The following TSHZ3 variants were observed in gnomAD, a reference collection of about 807,000 sequenced individuals.
The protein encoded by TSHZ3 is teashirt homolog 3.
In TSHZ3, 10 loss-of-function variants were observed where a neutral mutation model predicts 64.5. The observed-to-expected ratio is 0.16, with a 90% CI of 0.10 to 0.26. The LOEUF is 0.26. Among genes scored for constraint, TSHZ3 ranks in the 10% least tolerant of loss-of-function variants. TSHZ3 has a pLI of 1.00. For synonymous variants in TSHZ3, 608 were observed against 593.1 expected, an observed-to-expected ratio of 1.03 and a Z score of -0.36; for missense variants, 1,242 against 1,421.7, an observed-to-expected ratio of 0.87 and a Z score of 2.03.
At chr19:31,337,405 C>T (rs1917281518) in intron 1 of TSHZ3, among the ~76,000 whole-genome samples, 1 of 152,178 alleles carries the variant, frequency 6.6e-6, no homozygotes, top group Non-Finnish European at 1.5e-5. Context: ...TTTTTCTAAT[C>T]AGTAAAAATG....
intron 4 of TSHZ3, among the ~76,000 whole-genome samples, chr19:31,226,201 C>G (rs958243419): frequency 2.0e-5 from 3 of 151,834 alleles, no homozygotes; most frequent in African/African-American, 7.3e-5. Context: ...TCAACCCACT[C>G]TTTCGACTCC....
chr19:31,271,251 G>A (rs781693884), downstream of TSHZ3, among the ~76,000 whole-genome samples: 2 of 152,148 alleles, frequency 1.3e-5, no homozygotes, highest in Non-Finnish European at 2.9e-5. Flanking sequence ...CCAGTTCCAG[G>A]GTTCGCTGGC....
At chr19:31,321,047 A>G (rs1916756352) in intron 1 of TSHZ3, among the ~76,000 whole-genome samples, 1 of 152,254 alleles carries the variant, frequency 6.6e-6, no homozygotes, top group Non-Finnish European at 1.5e-5. Context: ...GCAACTGTCA[A>G]TACATTGTCT....
At chr19:31,254,505 C>T (rs1413661722) in intron 1 of TSHZ3, among the ~76,000 whole-genome samples, 1 of 152,208 alleles carries the variant, frequency 6.6e-6, no homozygotes, top group African/African-American at 2.4e-5. Flanking sequence ...CTGTGGCTCG[C>T]CCTCTCTGAG....
chr19:31,312,123 G>C (rs1033103013), intron 1 of TSHZ3, among the ~76,000 whole-genome samples: 2 of 152,160 alleles, frequency 1.3e-5, no homozygotes, highest in Non-Finnish European at 2.9e-5. Context: ...TGTTTCCCAG[G>C]GTTGCTAGGA....
intron 3 of TSHZ3, among the ~76,000 whole-genome samples, chr19:31,236,545 T>C (rs576513616): frequency 3.3e-4 from 50 of 152,360 alleles, no homozygotes; most frequent in African/African-American, 1.0e-3. Context: ...TAATCTTTTA[T>C]CAGATATACA....
At chr19:31,332,795 A>T (rs1917130118) in intron 1 of TSHZ3, among the ~76,000 whole-genome samples, 1 of 152,056 alleles carries the variant, frequency 6.6e-6, no homozygotes, top group Admixed American at 6.6e-5. Context: ...AAGGCAAAAA[A>T]CAAAAACAAA....
rs1202046253 is a variant in TSHZ3, at chr19:31,275,654, C to T, written c.*893G>A. The T allele has an allele frequency of 3.3e-5, 5 of 152,422 alleles. No homozygotes were observed. Among genetic ancestry groups the T allele is most frequent in the Admixed American group, 2.0e-4 (3 of 15,258 alleles). 9.4% of individuals were successfully genotyped at this position (152,422 alleles called of 1,614,324 possible). On this transcript the variant is annotated 3_prime_UTR_variant, in exon 2 of 2. Transcript: ENST00000240587. The stretch of plus-strand genomic sequence containing the variant: ...AAATATGTATAATTTAAACATGAAC[C>T]TCTATCAATATAGATGTACTGTATA...
chr19:31,339,677 T>C (rs1477515050), intron 1 of TSHZ3, among the ~76,000 whole-genome samples: 3 of 152,064 alleles, frequency 2.0e-5, no homozygotes, highest in Non-Finnish European at 2.9e-5. Context: ...TCCACCAGGA[T>C]TTAGTTTCAG....
At chr19:31,274,201 T>C (rs567193365), downstream of TSHZ3, among the ~76,000 whole-genome samples, 189 of 152,212 alleles carry the variant, frequency 1.2e-3, no homozygotes, top group African/African-American at 4.2e-3. Context: ...ATTTGTATAA[T>C]TCTAGGTTAG....
At chr19:31,313,817 C>T (rs902994956) in intron 1 of TSHZ3, among the ~76,000 whole-genome samples, 5 of 152,200 alleles carry the variant, frequency 3.3e-5, no homozygotes, top group African/African-American at 1.2e-4. Context: ...CATGCACTAC[C>T]AGAAGTGGGG....
intron 5 of TSHZ3, among the ~76,000 whole-genome samples, chr19:31,164,951 T>C (rs1457472926): frequency 6.6e-6 from 1 of 152,160 alleles, no homozygotes; most frequent in Non-Finnish European, 1.5e-5. Context: ...ATTCTGTGCA[T>C]AAAAGCGAGC....
downstream of TSHZ3, among the ~76,000 whole-genome samples, chr19:31,273,430 G>A (rs532505341): frequency 6.6e-6 from 1 of 152,304 alleles, no homozygotes; most frequent in South Asian, 2.1e-4. Flanking sequence ...GATCCTGGGA[G>A]TGGGGTGAGG....
intron 1 of TSHZ3, among the ~76,000 whole-genome samples, chr19:31,307,341 C>A (rs1007684354): frequency 6.6e-6 from 1 of 151,930 alleles, no homozygotes; most frequent in Admixed American, 6.6e-5. Context: ...AGGTTCTGGG[C>A]TTTGTGTGGC....
chr19:31,179,870 T>C (rs1014210723), intron 5 of TSHZ3, among the ~76,000 whole-genome samples: 7 of 151,978 alleles, frequency 4.6e-5, no homozygotes, highest in African/African-American at 1.7e-4. Context: ...GTGGTGATGA[T>C]GACTACCATT....
chr19:31,252,273 G>T (rs1300761912), intron 1 of TSHZ3, among the ~76,000 whole-genome samples: 1 of 152,036 alleles, frequency 6.6e-6, no homozygotes, highest in African/African-American at 2.4e-5. Flanking sequence ...TGAGGTTGTG[G>T]CTGCATCCCT....
intron 1 of TSHZ3, among the ~76,000 whole-genome samples, chr19:31,309,286 G>T (rs1916387464): frequency 2.0e-5 from 3 of 152,302 alleles, no homozygotes; most frequent in South Asian, 4.1e-4. Flanking sequence ...GGTGGTAAAA[G>T]GACAGAAGGA....
chr19:31,341,630 GACAC>G (rs57786287), intron 1 of TSHZ3, among the ~76,000 whole-genome samples: 6,102 of 138,032 alleles, frequency 0.044, 133 homozygotes, highest in South Asian at 0.073. Flanking sequence ...CTCTCTCTCT[GACAC>G]ACACACACAC....
chr19:31,170,309 TA>T (rs1187665990), intron 5 of TSHZ3, among the ~76,000 whole-genome samples: 2 of 152,098 alleles, frequency 1.3e-5, no homozygotes, highest in Non-Finnish European at 2.9e-5. Flanking sequence ...AGAGCTCTGG[TA>T]GTCTCTTCCT....
Sources: gnomAD v4.1 joint callset for allele counts (sites outside exome capture counted in the v4.1 genomes callset) on GRCh38, gnomAD v4.1.1 for gene constraint, MANE v1.5 for transcripts, NCBI Gene and HGNC (gene_info 2026-07-23, HGNC 2026-07-21) for gene names.